Variants in PKD1L3 observed in about 807,000 individuals in gnomAD.
PKD1L3 encodes the protein polycystin-1-like protein 3.
PKD1L3 carries 239 observed loss-of-function variants against 184.1 expected under a neutral mutation model. The ratio of observed to expected loss-of-function variants is 1.30; its 90% confidence interval spans 1.17 to 1.45. The LOEUF is 1.45. Ranked by LOEUF, PKD1L3 falls within the 40% of genes most tolerant of loss-of-function variation. The pLI, the probability that PKD1L3 is intolerant of heterozygous loss-of-function variation, is 0.00. For synonymous variants in PKD1L3, 996 were observed against 778.8 expected, an observed-to-expected ratio of 1.28 and a Z score of -4.64; for missense variants, 2,660 against 2,067.2, an observed-to-expected ratio of 1.29 and a Z score of -5.56.
intron 23 of PKD1L3, 112 bp from the exon 24 acceptor site, chr16:71,943,136 A>C (rs536999624): frequency 2.3e-5 from 18 of 779,556 alleles, no homozygotes; most frequent in African/African-American, 2.3e-4. Flanking sequence ...AACCAGTCAA[A>C]AACTGGCTGT....
rs765146781 is a variant in PKD1L3 at position 71,943,052 on chromosome 16, T to C, written c.3860-28A>G. On this transcript the variant is annotated intron_variant, in intron 23 of 29. Coordinates refer to ENST00000620267, the MANE Select transcript of PKD1L3 (RefSeq NM_181536.2). Reference sequence around the variant, plus strand: ...TGTTTAGAAGAGGAAAAAAATGTCATAGTTGAGTGGTTAACTTAGAAATCC... The same window carrying C: ...TGTTTAGAAGAGGAAAAAAATGTCACAGTTGAGTGGTTAACTTAGAAATCC... 20 of 1,478,684 alleles carry C rather than the reference T, an allele frequency of 1.4e-5. No individual in the cohort carries two copies. The Admixed American group carries it at 2.9e-4, about 21-fold the overall frequency. The allele number at this position is 1,478,684 out of a possible 1,614,324, so 91.6% of individuals were successfully genotyped here.
chr16:71,978,696 T>C (rs1163407000), intron 9 of PKD1L3, among the ~76,000 whole-genome samples: 1 of 151,740 alleles, frequency 6.6e-6, no homozygotes, highest in African/African-American at 2.4e-5. Context: ...CACACCACCA[T>C]GCCTGGCTAA....
At chr16:71,946,666 T>TG (rs1818415105) in intron 22 of PKD1L3, among the ~76,000 whole-genome samples, 1 of 150,410 alleles carries the variant, frequency 6.6e-6, no homozygotes, top group Non-Finnish European at 1.5e-5. Flanking sequence ...TTTCAGAGAA[T>TG]GCTGATGCTC....
chr16:71,942,010 G>A (rs973268015), intron 24 of PKD1L3, among the ~76,000 whole-genome samples: 1 of 151,882 alleles, frequency 6.6e-6, no homozygotes, highest in Non-Finnish European at 1.5e-5. Flanking sequence ...AGAAAGCAAT[G>A]GAGCTACACT....
At chr16:71,992,493 T>G (rs796897956) in intron 3 of PKD1L3, among the ~76,000 whole-genome samples, 13 of 152,340 alleles carry the variant, frequency 8.5e-5, no homozygotes, top group African/African-American at 3.1e-4. Context: ...ATCATTGCAT[T>G]AATTATCATC....
Position 71,970,118 on chromosome 16 carries a change from T to G in PKD1L3, c.1954-13A>C. 6.5e-7 allele frequency: 1 copy of G among 1,546,298 alleles called. No homozygotes were observed. Among genetic ancestry groups the G allele is most frequent in the Non-Finnish European group, 8.8e-7 (1 of 1,142,316 alleles). On this transcript the variant is annotated splice_polypyrimidine_tract_variant and intron_variant, in intron 12 of 29. Transcript: ENST00000620267. ...TCTGTGGCCCAACCTGGAATTAGAA[T>G]CAAGACGTTGATTCTAGTCAGACAG...
chr16:71,933,253 A>T (rs1410107638), intron 28 of PKD1L3, among the ~76,000 whole-genome samples, 167 bp downstream of exon 28: 3 of 152,184 alleles, frequency 2.0e-5, no homozygotes, highest in Non-Finnish European at 1.5e-5. Flanking sequence ...ACAGCCATGT[A>T]AATGCTGTAT....
chr16:71,997,269 T>G (rs568948160), intron 2 of PKD1L3, among the ~76,000 whole-genome samples: 4 of 151,882 alleles, frequency 2.6e-5, no homozygotes, highest in African/African-American at 9.7e-5. Flanking sequence ...ATTGCTCAGT[T>G]GTATGGTAGT....
chr16:71,978,241 G>A lies in PKD1L3; in HGVS notation c.1527+14C>T, dbSNP rs1383851119. On this transcript the variant is annotated intron_variant, in intron 10 of 29. Coordinates refer to ENST00000620267, the MANE Select transcript of PKD1L3 (RefSeq NM_181536.2). Reference sequence around the variant, plus strand: ...CATTCTCTTCTATTTTATTCCCTAAGAATCAGTTCCTACCTCAATGTCCTC... The same window carrying A: ...CATTCTCTTCTATTTTATTCCCTAAAAATCAGTTCCTACCTCAATGTCCTC... The A allele has an allele frequency of 1.3e-5, 20 of 1,545,634 alleles. No homozygotes were observed. The Admixed American group carries it at 3.7e-4, about 29-fold the overall frequency.
chr16:71,932,126 A>G (rs1444771085), intron 28 of PKD1L3, among the ~76,000 whole-genome samples: 3 of 152,234 alleles, frequency 2.0e-5, no homozygotes, highest in Admixed American at 6.5e-5. Context: ...GAATCTGTGG[A>G]TGCAGACCCT....
At chr16:71,961,634 G>A (rs1357327282) in intron 16 of PKD1L3, among the ~76,000 whole-genome samples, 1 of 151,972 alleles carries the variant, frequency 6.6e-6, no homozygotes, top group African/African-American at 2.4e-5. Flanking sequence ...CTGACCTTGT[G>A]AGCGAATCAT....
At chr16:71,949,669 T>C in intron 21 of PKD1L3, 114 bp downstream of exon 21, 1 of 1,021,280 alleles carries the variant, frequency 9.8e-7, no homozygotes, top group Non-Finnish European at 1.4e-6. Context: ...GCCTATTTGT[T>C]TTTTGTTGTT....
chr16:71,935,639 G>T, intron 25 of PKD1L3, 121 bp from the exon 26 acceptor site: 1 of 906,696 alleles, frequency 1.1e-6, no homozygotes, highest in Non-Finnish European at 1.6e-6. Context: ...GCATTTATCA[G>T]ATCTCACTTG....
chr16:71,970,635 C>A (rs1410816349), intron 12 of PKD1L3, among the ~76,000 whole-genome samples: 1 of 151,970 alleles, frequency 6.6e-6, no homozygotes, highest in Non-Finnish European at 1.5e-5. Context: ...TGGTGAAACC[C>A]CATCTCTACT....
At chr16:71,960,885 C>G (rs761752627) in intron 16 of PKD1L3, among the ~76,000 whole-genome samples, 1 of 152,060 alleles carries the variant, frequency 6.6e-6, no homozygotes, top group South Asian at 2.1e-4. Flanking sequence ...CAGTGAGACC[C>G]TATCTCAAAA....
intron 1 of PKD1L3, 144 bp from the exon 2 acceptor site, chr16:71,998,538 C>T: frequency 8.5e-7 from 1 of 1,183,360 alleles, no homozygotes; most frequent in Non-Finnish European, 1.1e-6. Flanking sequence ...GCAATCTCTG[C>T]CTCCTGGGTT....
intron 4 of PKD1L3, among the ~76,000 whole-genome samples, chr16:71,990,029 G>A (rs2040526465): frequency 6.7e-6 from 1 of 149,880 alleles, no homozygotes; most frequent in East Asian, 2.0e-4. Context: ...GAGCCAAGAT[G>A]GATGGCACCA....
At chr16:71,950,403 G>C (rs1230294403) in intron 19 of PKD1L3, 93 bp from the exon 20 acceptor site, 4 of 1,161,338 alleles carry the variant, frequency 3.4e-6, no homozygotes, top group Non-Finnish European at 4.8e-6. Context: ...TGGATGATGA[G>C]GCTATATTTT....
Position 71,953,063 on chromosome 16 carries a change from A to G in PKD1L3, c.2840T>C (p.Leu947Pro). 6.6e-7 allele frequency: 1 copy of G among 1,514,806 alleles called. No homozygotes were observed. Among genetic ancestry groups the G allele is most frequent in the Non-Finnish European group, 8.8e-7 (1 of 1,132,572 alleles). The allele number at this position is 1,514,806 out of a possible 1,614,324, so 93.8% of individuals were successfully genotyped here. A position where few individuals can be genotyped will look rare whatever the true frequency, so the allele number is the denominator to read the frequency against. The change falls in exon 18 of 30, where the codon CTG (leucine) becomes CCG (proline). Residue 947 changes from leucine to proline, a missense_variant. By Grantham distance (98) the Leu-to-Pro change is moderately conservative (BLOSUM62 -3). Transcript: ENST00000620267. Reference protein sequence around the residue: ...MRPFAVAWSELLVSIHTAVIL... With the variant: ...MRPFAVAWSEPLVSIHTAVIL... ...GACAGCAGTATGGATGCTGACCAGCAGTTCAGACCAGGCCACAGCAAATGG... is the reference window on the plus strand; with the variant it reads ...GACAGCAGTATGGATGCTGACCAGCGGTTCAGACCAGGCCACAGCAAATGG...
Sources: allele counts gnomAD v4.1 joint callset (sites outside exome capture counted in the v4.1 genomes callset), GRCh38; gene constraint gnomAD v4.1.1; transcripts MANE v1.5; gene names NCBI Gene and HGNC (gene_info 2026-07-23, HGNC 2026-07-21).